Variants in CHD9 observed in about 807,000 individuals in gnomAD.
The protein encoded by CHD9 is chromodomain helicase DNA binding protein 9, also known as ATP-dependent chromatin remodeler CHD9.
A neutral mutation model predicts 316.1 loss-of-function variants in CHD9; 77 were observed. The observed-to-expected ratio is 0.24, with a 90% CI of 0.20 to 0.29. CHD9 has a LOEUF of 0.29. CHD9 is among the 10% of genes least tolerant of loss of function. CHD9 has a pLI of 1.00. For synonymous variants in CHD9, 1,129 were observed against 1,158.3 expected, an observed-to-expected ratio of 0.97 and a Z score of 0.51; for missense variants, 2,763 against 3,438.1, an observed-to-expected ratio of 0.80 and a Z score of 4.91.
intron 1 of CHD9, among the ~76,000 whole-genome samples, chr16:53,113,290 A>G (rs921187434): frequency 5.7e-4 from 86 of 151,984 alleles, no homozygotes; most frequent in Middle Eastern, 3.4e-3. Context: ...GTTGGTTAGT[A>G]GTAAGCCTGG....
At chr16:53,295,710 A>T (rs556580921) in intron 29 of CHD9, among the ~76,000 whole-genome samples, 1 of 152,158 alleles carries the variant, frequency 6.6e-6, no homozygotes, top group East Asian at 1.9e-4. Context: ...TTTTTACATC[A>T]TAATTACATT....
intron 2 of CHD9, among the ~76,000 whole-genome samples, chr16:53,199,302 T>C (rs1227904117): frequency 6.6e-6 from 1 of 152,182 alleles, no homozygotes; most frequent in Non-Finnish European, 1.5e-5. Context: ...CAACTCTATA[T>C]CTTAATATCT....
At chr16:53,103,159 TTAAA>T (rs1567329892) in intron 1 of CHD9, among the ~76,000 whole-genome samples, 9 of 109,486 alleles carry the variant, frequency 8.2e-5, no homozygotes, top group Non-Finnish European at 1.1e-4. Context: ...CCCTGTCTCT[TTAAA>T]AAAAAAAAAA....
intron 1 of CHD9, among the ~76,000 whole-genome samples, chr16:53,072,539 C>G (rs1427567027): frequency 6.6e-6 from 1 of 151,228 alleles, no homozygotes; most frequent in African/African-American, 2.4e-5. Context: ...CCCCACCATG[C>G]CTGGCTAACT....
chr16:53,257,999 A>G (rs1032072194), intron 19 of CHD9, among the ~76,000 whole-genome samples: 1 of 152,182 alleles, frequency 6.6e-6, no homozygotes, highest in Non-Finnish European at 1.5e-5. Flanking sequence ...TAGGCCAAAC[A>G]TGGAGATACT....
chr16:53,229,806 T>C (rs1485864527), intron 8 of CHD9, among the ~76,000 whole-genome samples: 1 of 152,242 alleles, frequency 6.6e-6, no homozygotes, highest in Non-Finnish European at 1.5e-5. Flanking sequence ...GCAAACACTT[T>C]AGTATATATT....
chr16:53,249,945 C>T lies in CHD9; in HGVS notation c.3740C>T (p.Pro1247Leu), dbSNP rs761610127. ...RQAAIDRFSK[P>L]DSDRFVFLLC... ...GCTGCTATAGATAGATTTAGTAAAC[C>T]TGATTCAGATAGATTTGTTTTTCTC... Residue 1247 changes from proline (P) to leucine (L), a missense_variant, in exon 17 of 39, where the codon CCT becomes CTT. Transcript: ENST00000447540. 4.3e-6 allele frequency: 7 copies of T among 1,613,570 alleles called. No individual in the cohort carries two copies. The African/African-American group carries it at 9.3e-5, about 22-fold the overall frequency.
At position 53,157,388 on chromosome 16, in the gene CHD9, T is replaced by C; in HGVS notation, c.1299T>C (p.Asp433=). ...AAGATAATTCAAGTCACATTTTAGA[T>C]CATGACCTTGATCGGCAGTTTACTT... ...FGQDNSSHIL[D]HDLDRQFTSH... is the part of the protein sequence containing the mutation. Residue 433 remains aspartate (D), a synonymous_variant, in exon 2 of 39, where the codon GAT becomes GAC. Coordinates refer to ENST00000447540, the MANE Select transcript of CHD9 (RefSeq NM_001308319.2). 3 of 1,613,978 alleles carry C rather than the reference T, an allele frequency of 1.9e-6. No individual in the cohort carries two copies. Among genetic ancestry groups the C allele is most frequent in the East Asian group, 2.2e-5 (1 of 44,884 alleles).
intron 10 of CHD9, among the ~76,000 whole-genome samples, chr16:53,234,978 A>G (rs1186088355): frequency 6.6e-6 from 1 of 152,192 alleles, no homozygotes; most frequent in African/African-American, 2.4e-5. Context: ...TCAGGGCTTC[A>G]TAGAATGAGT....
At chr16:53,141,221 T>C (rs948996446) in intron 1 of CHD9, among the ~76,000 whole-genome samples, 1 of 152,222 alleles carries the variant, frequency 6.6e-6, no homozygotes, top group Non-Finnish European at 1.5e-5. Flanking sequence ...TATTTACAGA[T>C]GAAGAAACTG....
chr16:53,309,235 G>C (rs1344897016), intron 34 of CHD9, among the ~76,000 whole-genome samples: 1 of 152,138 alleles, frequency 6.6e-6, no homozygotes, highest in African/African-American at 2.4e-5. Flanking sequence ...CAGGATACAG[G>C]TGTTATCTAT....
chr16:53,237,361 C>T (rs2048719671), intron 11 of CHD9, among the ~76,000 whole-genome samples: 1 of 152,126 alleles, frequency 6.6e-6, no homozygotes, highest in Non-Finnish European at 1.5e-5. Flanking sequence ...AACTTCTAGT[C>T]ACCTCAACCT....
At chr16:53,286,128 T>C (rs1361124102) in intron 25 of CHD9, 98 bp from the exon 26 acceptor site, 3 of 612,158 alleles carry the variant, frequency 4.9e-6, no homozygotes, top group Non-Finnish European at 8.6e-6. Flanking sequence ...ATCCCTTTAG[T>C]CCAGAAATAT....
At chr16:53,309,531 T>G (rs2056282284) in intron 34 of CHD9, among the ~76,000 whole-genome samples, 1 of 152,228 alleles carries the variant, frequency 6.6e-6, no homozygotes, top group Admixed American at 6.5e-5. Context: ...CTTTTGGCAG[T>G]TTGAATCAAC....
At position 53,303,773 on chromosome 16, in the gene CHD9, A is replaced by C; in HGVS notation, c.5767A>C (p.Arg1923=). The change falls in exon 31 of 39, where the codon AGG becomes CGG. Residue 1923 remains arginine (R), a synonymous_variant. Coordinates refer to ENST00000447540, the MANE Select transcript of CHD9 (RefSeq NM_001308319.2). ...IQPITEERAS[R]TLYRIELLRK... Reference sequence around the variant, plus strand: ...GCCCATCACAGAAGAACGTGCTTCTAGGACTTTGTATCGCATTGAACTTCT... The same window carrying C: ...GCCCATCACAGAAGAACGTGCTTCTCGGACTTTGTATCGCATTGAACTTCT... 1.2e-6 allele frequency: 2 copies of C among 1,613,978 alleles called. No homozygotes were observed. Among genetic ancestry groups the C allele is most frequent in the Non-Finnish European group, 1.7e-6 (2 of 1,179,860 alleles).
At chr16:53,124,324 G>A (rs983339370) in intron 1 of CHD9, among the ~76,000 whole-genome samples, 3 of 152,076 alleles carry the variant, frequency 2.0e-5, no homozygotes, top group Admixed American at 1.3e-4. Flanking sequence ...TAGACTCACA[G>A]TTCCACAGGG....
At position 53,146,436 on chromosome 16, in the gene CHD9, T is replaced by TATAA. The variant is rs1385131635; in HGVS notation, c.-164-9489_-164-9488insTAAA. ...GTGTGTATGTATATATATATATATA[T>TATAA]AATTAAAAAGTTCCAGAGATTGGTG... On this transcript the variant is annotated intron_variant, in intron 1 of 38. Transcript: ENST00000447540. 1.3e-4 allele frequency among the ~76,000 whole-genome samples: 17 copies of TATAA among 130,942 alleles called. 1 individual carries two copies. The highest frequency in any genetic ancestry group is 5.3e-4 in the African/African-American group (17 of 31,778). 85.9% of individuals were successfully genotyped at this position (130,942 alleles called of 152,430 possible). A position where few individuals can be genotyped will look rare whatever the true frequency, so the allele number is the denominator to read the frequency against.
intron 2 of CHD9, among the ~76,000 whole-genome samples, chr16:53,191,785 T>C (rs1597367592): frequency 6.6e-6 from 1 of 152,110 alleles, no homozygotes; most frequent in East Asian, 1.9e-4. Flanking sequence ...TGGGTAAATA[T>C]TGTCAGAATG....
chr16:53,319,203 G>C (rs1462783937), intron 37 of CHD9, among the ~76,000 whole-genome samples: 1 of 152,084 alleles, frequency 6.6e-6, no homozygotes, highest in Non-Finnish European at 1.5e-5. Context: ...AAAATAATTA[G>C]GAAAGAAAAA....
Sources: allele counts gnomAD v4.1 joint callset (sites outside exome capture counted in the v4.1 genomes callset), GRCh38; gene constraint gnomAD v4.1.1; transcripts MANE v1.5; gene names NCBI Gene and HGNC (gene_info 2026-07-23, HGNC 2026-07-21).